Variants in EBF2 observed in about 807,000 individuals in gnomAD.
EBF2 encodes the protein EBF transcription factor 2.
Under a neutral mutation model 72.8 loss-of-function variants are expected in EBF2, and 21 were observed. The observed-to-expected ratio is 0.29, with a 90% confidence interval of 0.20 to 0.42. The LOEUF (loss-of-function observed/expected upper bound fraction) is 0.42. Among genes scored for constraint, EBF2 ranks in the 10% least tolerant of loss-of-function variants. The probability of loss-of-function intolerance (pLI) is 1.00; values close to 1 mark genes in which losing one functional copy is unlikely to be tolerated. For missense variants in EBF2, 637 were observed against 731.2 expected, an observed-to-expected ratio of 0.87 and a Z score of 1.49; for synonymous variants, 299 against 274.2, an observed-to-expected ratio of 1.09 and a Z score of -0.89.
intron 5 of EBF2, among the ~76,000 whole-genome samples, chr8:26,039,671 TACC>T (rs1745121222): frequency 6.6e-6 from 1 of 152,128 alleles, no homozygotes; most frequent in Admixed American, 6.5e-5. Context: ...ACTGGAAATC[TACC>T]ACAAGAGGCC....
At chr8:26,017,576 G>T (rs2117240809) in intron 6 of EBF2, among the ~76,000 whole-genome samples, 1 of 152,232 alleles carries the variant, frequency 6.6e-6, no homozygotes, top group South Asian at 2.1e-4. Flanking sequence ...CATGTGGGCA[G>T]CCAGCCCTCA....
intron 10 of EBF2, among the ~76,000 whole-genome samples, chr8:25,869,919 G>A (rs980769373): frequency 2.6e-5 from 4 of 152,140 alleles, no homozygotes; most frequent in African/African-American, 9.7e-5. Context: ...TGGTAAAGGT[G>A]GGATCTGTGT....
intron 2 of EBF2, 43 bp from the exon 3 acceptor site, chr8:26,041,045 C>T (rs768594981): frequency 1.9e-6 from 3 of 1,609,524 alleles, no homozygotes; most frequent in Non-Finnish European, 2.5e-6. Flanking sequence ...CTTTCAGCCC[C>T]CCAAAATGAG....
At chr8:25,904,635 T>C (rs1237280554) in intron 7 of EBF2, among the ~76,000 whole-genome samples, 2 of 152,210 alleles carry the variant, frequency 1.3e-5, no homozygotes, top group African/African-American at 4.8e-5. Context: ...CTGAGTGAGA[T>C]ACATACTCTA....
intron 13 of EBF2, among the ~76,000 whole-genome samples, chr8:25,859,103 ATCATATT>A (rs1283790552): frequency 2.0e-5 from 3 of 152,134 alleles, no homozygotes; most frequent in Non-Finnish European, 4.4e-5. Flanking sequence ...CCTCTCCCAA[ATCATATT>A]TCATATGACA....
chr8:25,911,293 CCAAA>C (rs1417314071), intron 6 of EBF2, among the ~76,000 whole-genome samples: 1 of 152,210 alleles, frequency 6.6e-6, no homozygotes, highest in Non-Finnish European at 1.5e-5. Context: ...TCCACTTTCT[CCAAA>C]CAATGTTGAC....
intron 6 of EBF2, among the ~76,000 whole-genome samples, chr8:26,011,054 TTAA>T (rs1263445131): frequency 2.6e-5 from 4 of 151,726 alleles, no homozygotes; most frequent in African/African-American, 9.7e-5. Flanking sequence ...GCAGCAAAAG[TTAA>T]TAACTCCACT....
At chr8:25,890,266 C>G (rs1585183548) in intron 7 of EBF2, among the ~76,000 whole-genome samples, 1 of 152,330 alleles carries the variant, frequency 6.6e-6, no homozygotes, top group Middle Eastern at 3.4e-3. Flanking sequence ...CTTCTTCAAG[C>G]TCAGGAATGG....
At chr8:25,887,251 C>A (rs1802705475) in intron 9 of EBF2, among the ~76,000 whole-genome samples, 1 of 152,016 alleles carries the variant, frequency 6.6e-6, no homozygotes, top group Non-Finnish European at 1.5e-5. Context: ...GCTGCCAACC[C>A]CACCCTCACC....
intron 6 of EBF2, among the ~76,000 whole-genome samples, chr8:25,933,465 C>A (rs554693985): frequency 6.6e-6 from 1 of 152,312 alleles, no homozygotes; most frequent in South Asian, 2.1e-4. Flanking sequence ...TTTGGGAACT[C>A]TGATCCACAG....
chr8:25,971,500 C>A (rs891782558), intron 6 of EBF2, among the ~76,000 whole-genome samples: 1 of 152,118 alleles, frequency 6.6e-6, no homozygotes, highest in African/African-American at 2.4e-5. Flanking sequence ...CCAAGCACCG[C>A]GCTCTGGGTT....
chr8:25,918,559 C>T (rs897079432), intron 6 of EBF2, among the ~76,000 whole-genome samples: 22 of 152,062 alleles, frequency 1.4e-4, no homozygotes, highest in Admixed American at 1.4e-3. Flanking sequence ...TTAATAAGCA[C>T]AGATTTTTTT....
intron 6 of EBF2, among the ~76,000 whole-genome samples, chr8:25,994,589 T>C (rs1804593556): frequency 6.6e-6 from 1 of 152,186 alleles, no homozygotes; most frequent in Admixed American, 6.6e-5. Context: ...ATATACACTA[T>C]GGAATACTAT....
intron 6 of EBF2, among the ~76,000 whole-genome samples, chr8:25,928,468 C>T (rs1355362930): frequency 6.6e-6 from 1 of 152,138 alleles, no homozygotes; most frequent in Non-Finnish European, 1.5e-5. Context: ...CTATTTCCCA[C>T]CTCAGCACTA....
rs149625449 is a variant in EBF2 at position 25,850,237 on chromosome 8, C to G, written c.1696+357G>C. Among the ~76,000 whole-genome samples, 1,216 of 152,272 alleles carry G rather than the reference C, an allele frequency of 8.0e-3. 19 individuals carry two copies. The highest frequency in any genetic ancestry group is 0.028 in the African/African-American group (1,151 of 41,550). ...AAGCGATTCTTCTCCCTCAGCCTCT[C>G]GAGTAGCTAGGATTACAGGCACCCA... On this transcript the variant is annotated intron_variant, in intron 15 of 15. Coordinates refer to ENST00000520164, the MANE Select transcript of EBF2 (RefSeq NM_022659.4).
chr8:26,043,016 A>G (rs1288754362), intron 1 of EBF2, among the ~76,000 whole-genome samples: 1 of 152,222 alleles, frequency 6.6e-6, no homozygotes, highest in South Asian at 2.1e-4. Flanking sequence ...CCAAACTGTT[A>G]AAAGGCGAGA....
chr8:26,028,864 T>C (rs985305608), intron 6 of EBF2, among the ~76,000 whole-genome samples: 1 of 152,178 alleles, frequency 6.6e-6, no homozygotes, highest in Non-Finnish European at 1.5e-5. Context: ...GATGGGGACT[T>C]TGGATTTCTA....
intron 14 of EBF2, among the ~76,000 whole-genome samples, chr8:25,852,824 C>G (rs1184021293): frequency 1.3e-5 from 2 of 151,916 alleles, no homozygotes; most frequent in Admixed American, 1.3e-4. Flanking sequence ...TCGGCAAACA[C>G]AATTACTATG....
chr8:25,959,265 C>T (rs1327445853), intron 6 of EBF2, among the ~76,000 whole-genome samples: 1 of 152,168 alleles, frequency 6.6e-6, no homozygotes, highest in Non-Finnish European at 1.5e-5. Context: ...AGTGCAGTGG[C>T]GTGATCTCAG....
Sources: allele counts gnomAD v4.1 joint callset (sites outside exome capture counted in the v4.1 genomes callset), GRCh38; gene constraint gnomAD v4.1.1; transcripts MANE v1.5; gene names NCBI Gene and HGNC (gene_info 2026-07-23, HGNC 2026-07-21).